Variants in TFDP2 observed in about 807,000 individuals in gnomAD.
TFDP2 encodes the protein transcription factor Dp-2.
In TFDP2, 17 loss-of-function variants were observed where a neutral mutation model predicts 59.3. That is an observed-to-expected ratio of 0.29 (90% CI 0.20 to 0.43). The LOEUF (loss-of-function observed/expected upper bound fraction) is 0.43, where lower values mean the gene tolerates loss of function less well. TFDP2 is among the 20% of genes least tolerant of loss of function. TFDP2 has a pLI of 1.00. For missense variants in TFDP2, 391 were observed against 528.8 expected (o/e 0.74, Z 2.56); for synonymous variants, 180 against 194.7 (o/e 0.92, Z 0.63).
chr3:142,129,347 A>T (rs1232243074), intron 1 of TFDP2, among the ~76,000 whole-genome samples: 1 of 152,278 alleles, frequency 6.6e-6, no homozygotes, highest in East Asian at 1.9e-4. Context: ...AATTAAAGAA[A>T]AAACAAAAAT....
chr3:141,987,518 G>A (rs1942234104), intron 6 of TFDP2, among the ~76,000 whole-genome samples: 1 of 146,674 alleles, frequency 6.8e-6, no homozygotes, highest in Admixed American at 6.8e-5. Context: ...CCTGAGCTCA[G>A]GCGATCCACC....
intron 9 of TFDP2, among the ~76,000 whole-genome samples, chr3:141,967,295 GTTTT>G: frequency 7.3e-6 from 1 of 136,358 alleles, no homozygotes; most frequent in East Asian, 2.1e-4. Context: ...TAAGTTTTTT[GTTTT>G]TTTTTTTTTT....
In TFDP2 at chr3:141,968,465, T is replaced by G. The variant is rs867847175; in HGVS notation, c.732+1608A>C. Reference sequence around the variant, plus strand: ...ATAACATATATATCTCATATATAGATATATATATAACATATATATATCTCA... The same window carrying G: ...ATAACATATATATCTCATATATAGAGATATATATAACATATATATATCTCA... On this transcript the variant is annotated intron_variant, in intron 9 of 12. Transcript: ENST00000489671. Among the ~76,000 whole-genome samples the G allele has an allele frequency of 5.0e-5, 4 of 80,440 alleles. 1 individual carries two copies. Among genetic ancestry groups the G allele is most frequent in the Admixed American group, 1.4e-4 (1 of 6,912 alleles). 52.8% of individuals were successfully genotyped at this position (80,440 alleles called of 152,430 possible).
chr3:142,095,010 G>T (rs1315708209), intron 2 of TFDP2, among the ~76,000 whole-genome samples: 7 of 150,450 alleles, frequency 4.7e-5, no homozygotes, highest in African/African-American at 1.2e-4. Context: ...TTTTTTTTCA[G>T]ATGGAGTTTC....
chr3:142,101,279 T>G (rs2061309655), intron 2 of TFDP2, among the ~76,000 whole-genome samples: 1 of 151,926 alleles, frequency 6.6e-6, no homozygotes, highest in African/African-American at 2.4e-5. Flanking sequence ...AATCTAATGT[T>G]TCTTCAGGAA....
intron 4 of TFDP2, among the ~76,000 whole-genome samples, chr3:141,998,001 T>C (rs1943435933): frequency 1.3e-5 from 2 of 152,118 alleles, no homozygotes; most frequent in Non-Finnish European, 2.9e-5. Context: ...CATTGTCAGA[T>C]TGTTAGCTGC....
At chr3:142,054,541 T>C (rs2059674312) in intron 3 of TFDP2, among the ~76,000 whole-genome samples, 1 of 152,236 alleles carries the variant, frequency 6.6e-6, no homozygotes, top group South Asian at 2.1e-4. Flanking sequence ...GCTATAGGGG[T>C]TACCGTGTAT....
chr3:142,012,813 TA>T (rs1944826821), intron 3 of TFDP2, among the ~76,000 whole-genome samples: 1 of 152,184 alleles, frequency 6.6e-6, no homozygotes, highest in African/African-American at 2.4e-5. Flanking sequence ...AAAAACATTT[TA>T]TGAAGATGCA....
intron 3 of TFDP2, among the ~76,000 whole-genome samples, chr3:142,024,605 G>C (rs1041299614): frequency 1.3e-5 from 2 of 152,082 alleles, no homozygotes; most frequent in African/African-American, 2.4e-5. Flanking sequence ...ATTCTGAATC[G>C]GGTTACAATA....
intron 7 of TFDP2, among the ~76,000 whole-genome samples, chr3:141,977,079 C>G (rs1940745089): frequency 7.6e-6 from 1 of 131,138 alleles, no homozygotes; most frequent in Non-Finnish European, 1.6e-5. Context: ...TCTAGAGAAA[C>G]AGTCATAGCC....
chr3:142,130,066 T>C (rs1278144957), intron 1 of TFDP2, among the ~76,000 whole-genome samples: 3 of 152,076 alleles, frequency 2.0e-5, no homozygotes, highest in Non-Finnish European at 4.4e-5. Context: ...AATTACCTTA[T>C]GATGTAGCAT....
Position 142,051,972 on chromosome 3 carries a change from A to T in TFDP2, c.82+41089T>A, listed in dbSNP as rs188644220. ...GAGACCTCATCTCTACAAAAAATTT[A>T]AAAATTAGCTGGGTGTGGTTGCACA... On this transcript the variant is annotated intron_variant, in intron 3 of 12. Coordinates refer to ENST00000489671, the MANE Select transcript of TFDP2 (RefSeq NM_001178139.2). 1.6e-3 allele frequency among the ~76,000 whole-genome samples: 244 copies of T among 152,154 alleles called. 1 individual carries two copies. The highest frequency in any genetic ancestry group is 5.8e-3 in the African/African-American group (241 of 41,512).
chr3:142,043,942 T>A (rs1947172912), intron 3 of TFDP2: 1 of 796,010 alleles, frequency 1.3e-6, no homozygotes, highest in Non-Finnish European at 2.3e-6. Flanking sequence ...CATTCGCGCA[T>A]TGGCTGTACC....
chr3:142,030,900 G>T (rs1192489339), intron 3 of TFDP2, among the ~76,000 whole-genome samples: 2 of 151,162 alleles, frequency 1.3e-5, no homozygotes, highest in Non-Finnish European at 2.9e-5. Flanking sequence ...CCGCCACTAC[G>T]CCCGGCTAAT....
At chr3:141,964,031 A>G in intron 9 of TFDP2, 68 bp from the exon 10 acceptor site, 5 of 1,425,522 alleles carry the variant, frequency 3.5e-6, no homozygotes, top group Non-Finnish European at 4.8e-6. Flanking sequence ...AAGAATTAAG[A>G]TAATACCTTT....
chr3:141,953,333 C>T (rs34879303), intron 11 of TFDP2, among the ~76,000 whole-genome samples: 41 of 152,266 alleles, frequency 2.7e-4, no homozygotes, highest in Non-Finnish European at 4.0e-4. Context: ...TGGGATACAT[C>T]CCAGTGTACC....
chr3:142,098,892 G>C (rs2061242999), intron 2 of TFDP2, among the ~76,000 whole-genome samples: 1 of 152,146 alleles, frequency 6.6e-6, no homozygotes, highest in Admixed American at 6.5e-5. Flanking sequence ...GTTTGAAGCA[G>C]CCTCTAGACT....
chr3:142,146,594 G>A (rs2063186282), intron 1 of TFDP2, among the ~76,000 whole-genome samples: 1 of 152,150 alleles, frequency 6.6e-6, no homozygotes, highest in South Asian at 2.1e-4. Flanking sequence ...AAGTAACAGT[G>A]TAATGTGGTT....
rs1389731178 is a variant in TFDP2, at chr3:141,974,204, AT to A, written c.520-14del. 1 of 1,587,164 alleles carries A rather than the reference AT, an allele frequency of 6.3e-7. No individual in the cohort carries two copies. Among genetic ancestry groups the A allele is most frequent in the Non-Finnish European group, 8.5e-7 (1 of 1,170,182 alleles). On this transcript the variant is annotated splice_polypyrimidine_tract_variant and intron_variant, in intron 7 of 12. Transcript: ENST00000489671. ...TCTGATCATAAGCCTGCTAAAAAAT[AT>A]TTTCACTGAGTGATAAATCTTAAGG...
Sources: gnomAD v4.1 joint callset for allele counts (sites outside exome capture counted in the v4.1 genomes callset) on GRCh38, gnomAD v4.1.1 for gene constraint, MANE v1.5 for transcripts, NCBI Gene and HGNC (gene_info 2026-07-23, HGNC 2026-07-21) for gene names.